Variants in MIPEP observed in about 807,000 individuals in gnomAD.
The protein encoded by MIPEP is mitochondrial intermediate peptidase.
MIPEP carries 79 observed loss-of-function variants against 90.3 expected under a neutral mutation model. The ratio of observed to expected loss-of-function variants is 0.87; its 90% CI spans 0.73 to 1.05. The LOEUF (loss-of-function observed/expected upper bound fraction) is 1.05, where lower values mean the gene tolerates loss of function less well. Ranked by LOEUF, MIPEP falls within the 50% of genes least tolerant of loss-of-function variation. The pLI is 0.00. For missense variants in MIPEP, 940 were observed against 905.6 expected, an observed-to-expected ratio of 1.04 and a Z score of -0.49; for synonymous variants, 334 against 315.8, an observed-to-expected ratio of 1.06 and a Z score of -0.61.
intron 9 of MIPEP, among the ~76,000 whole-genome samples, chr13:23,859,231 A>G (rs1870182292): frequency 1.3e-5 from 2 of 152,216 alleles, no homozygotes; most frequent in South Asian, 4.1e-4. Context: ...AATTTTTCCC[A>G]AAATGTAACC....
intron 18 of MIPEP, 32 bp downstream of exon 18, chr13:23,756,513 T>G: frequency 6.3e-7 from 1 of 1,598,618 alleles, no homozygotes; most frequent in East Asian, 2.2e-5. Flanking sequence ...TCAGCTTTCA[T>G]TATAGATGGT....
At chr13:23,827,088 A>G (rs1326219470) in intron 14 of MIPEP, among the ~76,000 whole-genome samples, 2 of 152,190 alleles carry the variant, frequency 1.3e-5, no homozygotes, top group African/African-American at 2.4e-5. Flanking sequence ...CCTTTCATAA[A>G]AGGGACTTGA....
At chr13:23,794,563 C>A (rs1192625059) in intron 16 of MIPEP, among the ~76,000 whole-genome samples, 1 of 152,030 alleles carries the variant, frequency 6.6e-6, no homozygotes, top group Non-Finnish European at 1.5e-5. Flanking sequence ...GACACATGTG[C>A]ATCATTTAAG....
At chr13:23,773,119 C>T (rs1418222786) in intron 16 of MIPEP, among the ~76,000 whole-genome samples, 11 of 152,202 alleles carry the variant, frequency 7.2e-5, no homozygotes, top group Admixed American at 5.2e-4. Context: ...CGGGCCCATT[C>T]GCTGTCCCTC....
intron 16 of MIPEP, among the ~76,000 whole-genome samples, chr13:23,765,237 A>G (rs1952581440): frequency 6.6e-6 from 1 of 152,188 alleles, no homozygotes; most frequent in African/African-American, 2.4e-5. Flanking sequence ...GCTGAGGGTC[A>G]CTATACAGTA....
chr13:23,839,932 C>T (rs1869222782), intron 11 of MIPEP, among the ~76,000 whole-genome samples: 1 of 152,200 alleles, frequency 6.6e-6, no homozygotes, highest in Non-Finnish European at 1.5e-5. Flanking sequence ...TTTTGGAATT[C>T]TGTGTCCAGG....
At position 23,860,651 on chromosome 13, in the gene MIPEP, A is replaced by G. The variant is rs80221724; in HGVS notation, c.1053+1651T>C. Among the ~76,000 whole-genome samples, 692 of 130,540 alleles carry G rather than the reference A, an allele frequency of 5.3e-3. 9 individuals are homozygous for G. Among genetic ancestry groups the G allele is most frequent in the African/African-American group, 0.019 (646 of 33,978 alleles). 85.6% of individuals were successfully genotyped at this position (130,540 alleles called of 152,430 possible). A position where few individuals can be genotyped will look rare whatever the true frequency, so the allele number is the denominator to read the frequency against. On this transcript the variant is annotated intron_variant, in intron 9 of 18. Coordinates refer to ENST00000382172, the MANE Select transcript of MIPEP (RefSeq NM_005932.4). The stretch of plus-strand genomic sequence containing the variant: ...CAAGATCAGATCTGCTTTTTAGACA[A>G]ATCCCTCTGGTGGCAATTCATTCAT...
chr13:23,842,489 G>A (rs566404594), intron 10 of MIPEP: 1 of 152,312 alleles, frequency 6.6e-6, no homozygotes, highest in African/African-American at 2.4e-5. Context: ...GAATCCTAGT[G>A]TTGAAAGAGA....
At chr13:23,770,967 T>C (rs1952643648) in intron 16 of MIPEP, among the ~76,000 whole-genome samples, 1 of 152,146 alleles carries the variant, frequency 6.6e-6, no homozygotes, top group Admixed American at 6.5e-5. Context: ...GCACAGAGAC[T>C]TGAAAATCAT....
At chr13:23,768,148 ACCAGATG>A (rs66917176) in intron 16 of MIPEP, among the ~76,000 whole-genome samples, 105,915 of 151,450 alleles carry the variant, frequency 0.7, 39,563 homozygotes, top group Non-Finnish European at 0.83. Flanking sequence ...AAAGGTGAAC[ACCAGATG>A]CCAGATGTTG....
chr13:23,753,047 G>A (rs1405538383), intron 18 of MIPEP, among the ~76,000 whole-genome samples: 2 of 152,026 alleles, frequency 1.3e-5, no homozygotes, highest in African/African-American at 4.8e-5. Flanking sequence ...GGCCAACATG[G>A]CAAAATCCCG....
chr13:23,841,614 G>A (rs1159998932), intron 10 of MIPEP, 126 bp from the exon 11 acceptor site: 2 of 1,035,350 alleles, frequency 1.9e-6, no homozygotes, highest in African/African-American at 1.6e-5. Flanking sequence ...ACATAAAAGT[G>A]TATTTATATC....
intron 16 of MIPEP, among the ~76,000 whole-genome samples, chr13:23,798,771 C>T (rs1404373706): frequency 6.6e-6 from 1 of 152,066 alleles, no homozygotes; most frequent in African/African-American, 2.4e-5. Context: ...CACCACTCTC[C>T]CCCTTTGCCT....
intron 9 of MIPEP, among the ~76,000 whole-genome samples, chr13:23,861,239 A>G (rs899867037): frequency 6.6e-6 from 1 of 152,228 alleles, no homozygotes; most frequent in African/African-American, 2.4e-5. Flanking sequence ...CATAAGCTAT[A>G]TACAAATATC....
chr13:23,738,737 C>T (rs910665486), intron 18 of MIPEP, among the ~76,000 whole-genome samples: 2 of 152,160 alleles, frequency 1.3e-5, no homozygotes, highest in African/African-American at 4.8e-5. Context: ...CAGGCGTGCG[C>T]CTCTGTGACT....
At position 23,814,672 on chromosome 13, in the gene MIPEP, G is replaced by C. The variant is rs181715986; in HGVS notation, c.1654-4748C>G. 4.6e-5 allele frequency among the ~76,000 whole-genome samples: 7 copies of C among 152,296 alleles called. No individual in the cohort carries two copies. In the East Asian group the frequency reaches 1.3e-3, roughly 29 times the overall value. On this transcript the variant is annotated intron_variant, in intron 14 of 18. Transcript: ENST00000382172. ...AAGAACAACTGTGCAAGAAACATCAGGACTGGAGAGCTCTTTTGGGCCTTT... is the reference window on the plus strand; with the variant it reads ...AAGAACAACTGTGCAAGAAACATCACGACTGGAGAGCTCTTTTGGGCCTTT...
intron 17 of MIPEP, among the ~76,000 whole-genome samples, chr13:23,757,498 T>C (rs1419815564): frequency 6.6e-6 from 1 of 152,184 alleles, no homozygotes; most frequent in Non-Finnish European, 1.5e-5. Flanking sequence ...TAAATGAGGC[T>C]TGAAATTATA....
intron 16 of MIPEP, among the ~76,000 whole-genome samples, chr13:23,777,527 G>T (rs1028897104): frequency 5.9e-5 from 9 of 152,140 alleles, no homozygotes; most frequent in African/African-American, 2.2e-4. Flanking sequence ...TAATTTCCTG[G>T]GTTTGACGGT....
At chr13:23,745,605 G>A (rs990053346) in intron 18 of MIPEP, among the ~76,000 whole-genome samples, 37 of 152,246 alleles carry the variant, frequency 2.4e-4, no homozygotes, top group African/African-American at 8.2e-4. Context: ...GAAGCTTGAT[G>A]CCTGAGGGTG....
Sources: gnomAD v4.1 joint callset for allele counts (sites outside exome capture counted in the v4.1 genomes callset) on GRCh38, gnomAD v4.1.1 for gene constraint, MANE v1.5 for transcripts, NCBI Gene and HGNC (gene_info 2026-07-23, HGNC 2026-07-21) for gene names.